The following TAF15 variants were observed in gnomAD, a reference collection of about 807,000 sequenced individuals.
TAF15 encodes the protein TATA-box binding protein associated factor 15, also known as TATA-binding protein-associated factor 2N.
Under a neutral mutation model 102.5 loss-of-function variants are expected in TAF15, and 37 were observed. That is an observed-to-expected ratio of 0.36 (90% confidence interval 0.28 to 0.47). The LOEUF (loss-of-function observed/expected upper bound fraction) is 0.47. Among genes scored for constraint, TAF15 ranks in the 20% least tolerant of loss-of-function variants. TAF15 has a pLI of 0.99. For synonymous variants in TAF15, 273 were observed against 259.2 expected, an observed-to-expected ratio of 1.05 and a Z score of -0.51; for missense variants, 652 against 760.7, an observed-to-expected ratio of 0.86 and a Z score of 1.68.
chr17:35,814,547 C>T (rs2087169677), intron 1 of TAF15, among the ~76,000 whole-genome samples: 1 of 151,650 alleles, frequency 6.6e-6, no homozygotes, highest in African/African-American at 2.4e-5. Flanking sequence ...GGAACATAGG[C>T]CTATACTTTT....
intron 7 of TAF15, among the ~76,000 whole-genome samples, chr17:35,824,921 TAAA>T (rs59417180): frequency 1.4e-5 from 2 of 146,958 alleles, no homozygotes; most frequent in Admixed American, 6.8e-5. Context: ...ACTTTGACTG[TAAA>T]AAAAAAAAAA....
chr17:35,837,325 A>AT (rs567415409), intron 10 of TAF15, among the ~76,000 whole-genome samples: 4,743 of 144,000 alleles, frequency 0.033, 251 homozygotes, highest in African/African-American at 0.11. Context: ...CTAGTTAAAA[A>AT]TTTTTTTTTT....
rs1458214308 is a variant in TAF15 at position 35,820,014 on chromosome 17, TC to T, written c.48-9del. On this transcript the variant is annotated splice_polypyrimidine_tract_variant and intron_variant, in intron 2 of 15. Transcript: ENST00000605844. ...ACATTTCTTTCAAGTATTAAATTTTTCTTTTGCAGTTATTCTACCTATGGAA... is the reference window on the plus strand; with the variant it reads ...ACATTTCTTTCAAGTATTAAATTTTTTTTTGCAGTTATTCTACCTATGGAA... 1.2e-6 allele frequency: 2 copies of T among 1,613,420 alleles called. No homozygotes were observed. The highest frequency in any genetic ancestry group is 1.7e-4 in the Middle Eastern group (1 of 6,056).
chr17:35,829,580 C>T (rs1273289879), intron 7 of TAF15, among the ~76,000 whole-genome samples: 3 of 131,622 alleles, frequency 2.3e-5, no homozygotes, highest in Non-Finnish European at 4.6e-5. Context: ...TGCAGTGAGC[C>T]GAGATCGTGC....
chr17:35,832,386 A>G (rs1434170015), intron 7 of TAF15, among the ~76,000 whole-genome samples: 1 of 152,216 alleles, frequency 6.6e-6, no homozygotes, highest in Non-Finnish European at 1.5e-5. Context: ...ATTAAAATGC[A>G]TGTGTCTGTA....
At chr17:35,830,377 C>G (rs541372285) in intron 7 of TAF15, 1 of 152,336 alleles carries the variant, frequency 6.6e-6, no homozygotes, top group South Asian at 2.1e-4. Flanking sequence ...TGTTAAATAT[C>G]TCTGCTACTT....
chr17:35,826,120 T>G (rs2087322450), intron 7 of TAF15, among the ~76,000 whole-genome samples: 1 of 152,208 alleles, frequency 6.6e-6, no homozygotes, highest in African/African-American at 2.4e-5. Flanking sequence ...ACATACTTCA[T>G]ATAATTTGTG....
At chr17:35,809,824 G>A (rs542386069) in intron 1 of TAF15, 1 of 604,232 alleles carries the variant, frequency 1.7e-6, no homozygotes, top group East Asian at 2.8e-5. Flanking sequence ...TGGAACCCGA[G>A]GAGACTTGCC....
chr17:35,817,621 A>G lies in TAF15; in HGVS notation c.8-95A>G, dbSNP rs535273781. The G allele has an allele frequency of 2.7e-5, 30 of 1,103,364 alleles. No homozygotes were observed. In the Admixed American group the frequency reaches 5.2e-4, roughly 19 times the overall value. 68.3% of individuals were successfully genotyped at this position (1,103,364 alleles called of 1,614,324 possible). A position where few individuals can be genotyped will look rare whatever the true frequency, so the allele number is the denominator to read the frequency against. ...AGTTTTTCTTTCTGCAGTTCTTTAC[A>G]TTTTCTTACCACATTTCTTCTGTAT... On this transcript the variant is annotated intron_variant, in intron 1 of 15. Transcript: ENST00000605844.
chr17:35,843,898 T>G (rs2087577239), intron 12 of TAF15, among the ~76,000 whole-genome samples, 179 bp from the exon 13 acceptor site: 1 of 152,204 alleles, frequency 6.6e-6, no homozygotes, highest in Non-Finnish European at 1.5e-5. Flanking sequence ...GTTTTCAAGG[T>G]CCTCTGTTTA....
intron 10 of TAF15, 32 bp from the exon 11 acceptor site, chr17:35,838,392 T>A: frequency 6.2e-7 from 1 of 1,613,520 alleles, no homozygotes. Context: ...ATTTTAAAAA[T>A]GCTAACACCA....
intron 7 of TAF15, among the ~76,000 whole-genome samples, chr17:35,829,331 T>A (rs541811480): frequency 3.3e-5 from 5 of 151,318 alleles, no homozygotes; most frequent in East Asian, 1.9e-4. Flanking sequence ...TATTATTTTT[T>A]TTTTTATTAA....
chr17:35,843,426 G>C (rs1169772197), intron 12 of TAF15, among the ~76,000 whole-genome samples: 2 of 152,136 alleles, frequency 1.3e-5, no homozygotes, highest in Non-Finnish European at 2.9e-5. Context: ...ACCCAGCCCA[G>C]CTTCTTTATT....
chr17:35,846,938 C>T lies in TAF15; in HGVS notation c.1772C>T (p.Pro591Leu). 2.5e-6 allele frequency: 4 copies of T among 1,614,148 alleles called. No homozygotes were observed. Among genetic ancestry groups the T allele is most frequent in the Non-Finnish European group, 3.4e-6 (4 of 1,180,022 alleles). Reference sequence around the variant, plus strand: ...TACAGAAATGATCAGCGCAACCGACCATACTGATGACTGTTTTGAATGTTC... The same window carrying T: ...TACAGAAATGATCAGCGCAACCGACTATACTGATGACTGTTTTGAATGTTC... The part of the protein sequence containing the change: ...NDYRNDQRNR[P>L]Y The change falls in exon 16 of 16, where the codon CCA (proline) becomes CTA (leucine). Residue 591 changes from proline (P) to leucine (L), a missense_variant. Pro to Leu is a moderately conservative substitution (Grantham distance 98, BLOSUM62 -3). Around this residue, in one of 3 missense-constraint regions of TAF15, gnomAD observed 368 missense variants for 367.5 expected, o/e 1.00. Transcript: ENST00000605844.
rs563671549 is a variant in TAF15 at position 35,818,360 on chromosome 17, C to T, written c.47+605C>T. On this transcript the variant is annotated intron_variant, in intron 2 of 15. Transcript: ENST00000605844. Reference sequence around the variant, plus strand: ...TCGCCCGCCTCAGTCTCCCAAAGTGCGGGGATTACAGGTGTGAGCCACTGC... The same window carrying T: ...TCGCCCGCCTCAGTCTCCCAAAGTGTGGGGATTACAGGTGTGAGCCACTGC... The T allele has an allele frequency of 7.2e-5, 11 of 153,464 alleles. No homozygotes were observed. In the East Asian group the frequency reaches 1.3e-3, roughly 19 times the overall value. 9.5% of individuals were successfully genotyped at this position (153,464 alleles called of 1,614,324 possible). A position where few individuals can be genotyped will look rare whatever the true frequency, so the allele number is the denominator to read the frequency against.
chr17:35,816,654 G>A (rs942236594), intron 1 of TAF15: 5 of 138,820 alleles, frequency 3.6e-5, no homozygotes, highest in African/African-American at 1.2e-4. Flanking sequence ...GCTCTTATGC[G>A]TCACATACTT....
chr17:35,813,962 T>C (rs1212231429), intron 1 of TAF15, among the ~76,000 whole-genome samples: 2 of 151,642 alleles, frequency 1.3e-5, no homozygotes, highest in East Asian at 1.9e-4. Flanking sequence ...AAAGTAACCA[T>C]TGACTTTGAA....
In TAF15 at chr17:35,824,087, G is replaced by A. The variant is rs1273517576; in HGVS notation, c.494G>A (p.Arg165His). The change falls in exon 7 of 16, where the codon CGT (arginine) becomes CAT (histidine). Residue 165 changes from arginine to histidine, a missense_variant. Arg to His is a conservative substitution (Grantham distance 29). Around this residue, in one of 3 missense-constraint regions of TAF15, gnomAD observed 243 missense variants for 284.1 expected, o/e 0.86. Coordinates refer to ENST00000605844, the MANE Select transcript of TAF15 (RefSeq NM_139215.3). ...NYSHHTQDDR[R>H]DVSRYGEDNR... The stretch of plus-strand genomic sequence containing the variant: ...ATTTTCTTTTTTGTAGATGACCGTC[G>A]TGATGTGAGTAGGTATGGAGAAGAT... 4.3e-6 allele frequency: 7 copies of A among 1,614,034 alleles called. No individual in the cohort carries two copies. The highest frequency in any genetic ancestry group is 2.2e-5 in the East Asian group (1 of 44,894).
intron 9 of TAF15, among the ~76,000 whole-genome samples, chr17:35,835,677 T>C (rs771423825): frequency 1.3e-5 from 2 of 152,254 alleles, no homozygotes; most frequent in Non-Finnish European, 2.9e-5. Context: ...TTGCAATGAA[T>C]GGGAAACCAG....
Sources: allele counts gnomAD v4.1 joint callset (sites outside exome capture counted in the v4.1 genomes callset), GRCh38; gene constraint gnomAD v4.1.1; regional missense constraint gnomAD v4.1.1; transcripts MANE v1.5; gene names NCBI Gene and HGNC (gene_info 2026-07-23, HGNC 2026-07-21).